LRBA: variants seen among roughly 807,000 people sequenced by gnomAD.
The protein encoded by LRBA is lipopolysaccharide-responsive and beige-like anchor protein.
A neutral mutation model predicts 330.0 loss-of-function variants in LRBA; 176 were observed. The observed-to-expected ratio is 0.53, with a 90% confidence interval of 0.47 to 0.60. The LOEUF (loss-of-function observed/expected upper bound fraction) is 0.60. Among genes scored for constraint, LRBA ranks in the 20% least tolerant of loss-of-function variants. The probability of loss-of-function intolerance (pLI) is 0.00; values close to 1 mark genes in which losing one functional copy is unlikely to be tolerated. For missense variants in LRBA, 3,259 were observed against 3,444.8 expected (o/e 0.95, Z 1.35); for synonymous variants, 1,230 against 1,193.0 (o/e 1.03, Z -0.64).
At chr4:150,556,623 A>C (rs1767350748) in intron 40 of LRBA, among the ~76,000 whole-genome samples, 1 of 152,244 alleles carries the variant, frequency 6.6e-6, no homozygotes, top group Non-Finnish European at 1.5e-5. Context: ...ATTAAATGTG[A>C]ACCTTCTAAC....
intron 47 of LRBA, among the ~76,000 whole-genome samples, chr4:150,401,300 G>A (rs1745433300): frequency 6.6e-6 from 1 of 152,182 alleles, no homozygotes; most frequent in South Asian, 2.1e-4. Context: ...TGCAGTTTGT[G>A]GGACAGTAAT....
intron 46 of LRBA, among the ~76,000 whole-genome samples, chr4:150,420,386 A>C: frequency 7.7e-6 from 1 of 130,534 alleles, no homozygotes; most frequent in Middle Eastern, 4.2e-3. Context: ...TACACATTAT[A>C]GTATATATAA....
At chr4:150,405,346 G>T (rs953374346) in intron 47 of LRBA, among the ~76,000 whole-genome samples, 2 of 152,194 alleles carry the variant, frequency 1.3e-5, no homozygotes, top group Non-Finnish European at 2.9e-5. Context: ...AAGAGGCAAA[G>T]AAATGTGTAA....
At chr4:150,597,117 TA>T in intron 38 of LRBA, 3 of 1,384,742 alleles carry the variant, frequency 2.2e-6, no homozygotes, top group South Asian at 1.3e-5. Flanking sequence ...AAATGCACAC[TA>T]AAACATAGAT....
intron 2 of LRBA, among the ~76,000 whole-genome samples, chr4:151,000,803 A>C (rs1282470905): frequency 6.6e-6 from 1 of 152,260 alleles, no homozygotes; most frequent in African/African-American, 2.4e-5. Flanking sequence ...TGAATAGATA[A>C]TCCAAGAAAG....
At chr4:150,363,171 T>G (rs542302212) in intron 47 of LRBA, among the ~76,000 whole-genome samples, 1 of 152,084 alleles carries the variant, frequency 6.6e-6, no homozygotes, top group East Asian at 1.9e-4. Context: ...GTTTAGCTCA[T>G]GTACAGTACT....
intron 37 of LRBA, among the ~76,000 whole-genome samples, chr4:150,626,910 T>A (rs892906176): frequency 1.3e-5 from 2 of 152,150 alleles, no homozygotes; most frequent in African/African-American, 4.8e-5. Flanking sequence ...AAGATAATAT[T>A]CTTTTTTTAA....
chr4:150,924,127 A>C (rs1446217508), intron 4 of LRBA, among the ~76,000 whole-genome samples: 1 of 152,218 alleles, frequency 6.6e-6, no homozygotes. Context: ...TTTCCTATAA[A>C]TCAGTCAACA....
intron 47 of LRBA, among the ~76,000 whole-genome samples, chr4:150,369,928 C>T (rs1469221977): frequency 6.6e-6 from 1 of 152,126 alleles, no homozygotes; most frequent in Non-Finnish European, 1.5e-5. Flanking sequence ...ATGATGCTGA[C>T]ATGTTCTTGA....
chr4:150,796,447 C>T (rs2126664756), intron 34 of LRBA, among the ~76,000 whole-genome samples: 1 of 151,948 alleles, frequency 6.6e-6, no homozygotes, highest in East Asian at 1.9e-4. Flanking sequence ...GAAGAACTCA[C>T]AAAAAATGTT....
In LRBA at chr4:150,907,368, G is replaced by A. The variant is rs529340056; in HGVS notation, c.1494-963C>T. ...GAAGGGGAAGGGGGAGGGAAGGAAG[G>A]GAGGGAGGGAGGAAAACTGTAAGTA... is the stretch of plus-strand genomic sequence containing the variant. On this transcript the variant is annotated intron_variant, in intron 11 of 56. Coordinates refer to ENST00000651943, the MANE Select transcript of LRBA (RefSeq NM_001364905.1). Among the ~76,000 whole-genome samples the A allele has an allele frequency of 2.2e-5, 3 of 134,914 alleles. No homozygotes were observed. In the South Asian group the frequency reaches 8.8e-4, roughly 40 times the overall value. 88.5% of individuals were successfully genotyped at this position (134,914 alleles called of 152,430 possible).
intron 2 of LRBA, among the ~76,000 whole-genome samples, chr4:150,964,067 G>A (rs1275540936): frequency 6.8e-6 from 1 of 147,840 alleles, no homozygotes; most frequent in East Asian, 2.0e-4. Context: ...CCGCCCGGCA[G>A]CCTCCCCGTC....
At chr4:150,483,599 G>A (rs1757542222) in intron 42 of LRBA, among the ~76,000 whole-genome samples, 1 of 151,788 alleles carries the variant, frequency 6.6e-6, no homozygotes, top group South Asian at 2.1e-4. Context: ...TTTCCAAAGT[G>A]CTGAGATTAC....
chr4:150,270,312 C>T (rs1370944781), intron 56 of LRBA, among the ~76,000 whole-genome samples: 1 of 152,126 alleles, frequency 6.6e-6, no homozygotes, highest in Non-Finnish European at 1.5e-5. Flanking sequence ...TAGAAACAAC[C>T]CAAGTGTCCA....
At chr4:150,831,255 T>C (rs113416586) in intron 29 of LRBA, among the ~76,000 whole-genome samples, 51 of 151,998 alleles carry the variant, frequency 3.4e-4, no homozygotes, top group African/African-American at 1.2e-3. Context: ...ACAATCTACT[T>C]ATAGCATGTA....
chr4:150,351,632 TG>T (rs1737186499), intron 47 of LRBA, among the ~76,000 whole-genome samples: 1 of 152,124 alleles, frequency 6.6e-6, no homozygotes, highest in Non-Finnish European at 1.5e-5. Flanking sequence ...GAGCTTGCAG[TG>T]AGCCGAGATC....
intron 40 of LRBA, among the ~76,000 whole-genome samples, chr4:150,492,028 A>G (rs1397920926): frequency 6.6e-6 from 1 of 152,162 alleles, no homozygotes; most frequent in Non-Finnish European, 1.5e-5. Context: ...ACTACATTGT[A>G]GGAATAAAGA....
intron 2 of LRBA, among the ~76,000 whole-genome samples, chr4:150,947,413 T>C (rs976270553): frequency 2.0e-5 from 3 of 151,952 alleles, no homozygotes; most frequent in Admixed American, 2.0e-4. Context: ...ACCATATTAA[T>C]AGGATAAGGT....
At chr4:150,734,493 C>G (rs1730932148) in intron 36 of LRBA, among the ~76,000 whole-genome samples, 1 of 151,756 alleles carries the variant, frequency 6.6e-6, no homozygotes, top group Non-Finnish European at 1.5e-5. Flanking sequence ...TCTAATGTAC[C>G]AGAAAAATGT....
Sources: allele counts gnomAD v4.1 joint callset (sites outside exome capture counted in the v4.1 genomes callset), GRCh38; gene constraint gnomAD v4.1.1; transcripts MANE v1.5; gene names NCBI Gene and HGNC (gene_info 2026-07-23, HGNC 2026-07-21).